KALRN: variants seen among roughly 807,000 people sequenced by gnomAD.
The protein encoded by KALRN is kalirin RhoGEF kinase.
A neutral mutation model predicts 353.7 loss-of-function variants in KALRN; 70 were observed. The ratio of observed to expected loss-of-function variants is 0.20; its 90% CI spans 0.16 to 0.24. The LOEUF (loss-of-function observed/expected upper bound fraction) is 0.24, where lower values mean the gene tolerates loss of function less well. Ranked by LOEUF, KALRN falls within the 10% of genes least tolerant of loss-of-function variation. KALRN has a pLI of 1.00. For missense variants in KALRN, 2,791 were observed against 3,756.7 expected (o/e 0.74, Z 6.72); for synonymous variants, 1,391 against 1,434.8 (o/e 0.97, Z 0.69).
chr3:124,164,228 T>G (rs1458663342), intron 1 of KALRN: 1 of 153,558 alleles, frequency 6.5e-6, no homozygotes, highest in Admixed American at 6.5e-5. Context: ...GTATAAATCT[T>G]GGATCCAGGG....
chr3:124,644,918 G>A (rs2082513175), intron 37 of KALRN, among the ~76,000 whole-genome samples: 1 of 152,172 alleles, frequency 6.6e-6, no homozygotes, highest in Non-Finnish European at 1.5e-5. Flanking sequence ...TTCCACAATG[G>A]TTGAACTAAT....
At chr3:124,566,977 C>A (rs986760227) in intron 34 of KALRN, among the ~76,000 whole-genome samples, 1 of 152,146 alleles carries the variant, frequency 6.6e-6, no homozygotes. Flanking sequence ...GGGCTAAGCA[C>A]CTTGTGAGTG....
intron 51 of KALRN, among the ~76,000 whole-genome samples, chr3:124,688,277 C>T (rs184073034): frequency 1.4e-5 from 2 of 144,636 alleles, no homozygotes; most frequent in East Asian, 4.2e-4. Flanking sequence ...CATGCCACTG[C>T]ACTCCAGCAT....
chr3:124,561,419 A>G (rs954311570), intron 33 of KALRN, among the ~76,000 whole-genome samples: 2 of 152,230 alleles, frequency 1.3e-5, no homozygotes, highest in African/African-American at 4.8e-5. Flanking sequence ...TATTGCCAAC[A>G]TCAGTCTGAT....
chr3:124,685,781 G>A (rs1188440699), intron 51 of KALRN, among the ~76,000 whole-genome samples: 1 of 152,164 alleles, frequency 6.6e-6, no homozygotes, highest in Non-Finnish European at 1.5e-5. Context: ...TAGTCACTCA[G>A]CACGCCCTGT....
chr3:124,211,750 C>T (rs572546540), intron 1 of KALRN, among the ~76,000 whole-genome samples: 127 of 152,256 alleles, frequency 8.3e-4, no homozygotes, highest in Non-Finnish European at 2.9e-5. Flanking sequence ...CAGTGCTTCT[C>T]GGGGCTCTCT....
At chr3:124,601,518 C>T (rs898853127) in intron 34 of KALRN, among the ~76,000 whole-genome samples, 2 of 152,194 alleles carry the variant, frequency 1.3e-5, no homozygotes, top group Non-Finnish European at 2.9e-5. Context: ...GGCTGATTCA[C>T]GATGACAATT....
intron 1 of KALRN, among the ~76,000 whole-genome samples, chr3:124,062,886 A>G (rs1456013640): frequency 2.0e-5 from 3 of 152,210 alleles, no homozygotes; most frequent in Admixed American, 6.5e-5. Flanking sequence ...GCCCTGATGT[A>G]GGATTGGAAA....
intron 17 of KALRN, among the ~76,000 whole-genome samples, chr3:124,436,540 T>C (rs112515258): frequency 1.3e-5 from 2 of 150,716 alleles, no homozygotes; most frequent in Non-Finnish European, 1.5e-5. Context: ...GATCTTCTCA[T>C]GTGATGCTAG....
At chr3:124,081,610 A>C (rs2060547486) in intron 1 of KALRN, among the ~76,000 whole-genome samples, 2 of 152,140 alleles carry the variant, frequency 1.3e-5, no homozygotes, top group Non-Finnish European at 1.5e-5. Context: ...GTTTCTACTA[A>C]AAATACAAAA....
In KALRN at chr3:124,661,938, T is replaced by A; in HGVS notation, c.6345+10T>A. The A allele has an allele frequency of 2.5e-6, 4 of 1,608,686 alleles. No homozygotes were observed. The highest frequency in any genetic ancestry group is 3.4e-6 in the Non-Finnish European group (4 of 1,175,098). ...TCTGCAGGGCTTTGAGGTGAGTCTT[T>A]AAGAATGCGTCTAAGCCCACTCTCT... On this transcript the variant is annotated intron_variant, in intron 45 of 59. Coordinates refer to ENST00000682506, the MANE Select transcript of KALRN (RefSeq NM_001388419.1).
At chr3:124,150,166 A>G (rs1178711658) in intron 1 of KALRN, among the ~76,000 whole-genome samples, 1 of 152,214 alleles carries the variant, frequency 6.6e-6, no homozygotes, top group Admixed American at 6.5e-5. Flanking sequence ...TTGTATTTTT[A>G]TAAACCTGTA....
rs1444465368 is a variant in KALRN at position 124,701,396 on chromosome 3, T to C, written c.7997-642T>C. On this transcript the variant is annotated intron_variant, in intron 56 of 59. Coordinates refer to ENST00000682506, the MANE Select transcript of KALRN (RefSeq NM_001388419.1). ...TTTTTCTTTCTTTCTTTCTTTTTTT[T>C]TTTTTTTTGGAGACAGGGTCTCGCT... Among the ~76,000 whole-genome samples, 4 of 147,414 alleles carry C rather than the reference T, an allele frequency of 2.7e-5. No individual in the cohort carries two copies. In the East Asian group the frequency reaches 7.8e-4, roughly 29 times the overall value.
At chr3:124,186,925 A>T (rs1279409644) in intron 1 of KALRN, among the ~76,000 whole-genome samples, 1 of 152,096 alleles carries the variant, frequency 6.6e-6, no homozygotes, top group African/African-American at 2.4e-5. Flanking sequence ...GGGGTAGAAG[A>T]TGGGAATGAT....
At chr3:124,353,758 GA>G (rs35205735) in intron 10 of KALRN, among the ~76,000 whole-genome samples, 65 of 149,248 alleles carry the variant, frequency 4.4e-4, no homozygotes, top group African/African-American at 1.3e-3. Context: ...TTAGGCAAAT[GA>G]AAAAAAAAAT....
At chr3:124,231,348 C>T (rs2079128472) in intron 2 of KALRN, among the ~76,000 whole-genome samples, 2 of 152,240 alleles carry the variant, frequency 1.3e-5, no homozygotes, top group South Asian at 4.1e-4. Context: ...CCAGCCTTCT[C>T]ATGTGGGGTC....
chr3:124,385,789 A>G (rs1436390234), intron 11 of KALRN, among the ~76,000 whole-genome samples: 1 of 152,236 alleles, frequency 6.6e-6, no homozygotes. Flanking sequence ...ATTTCTGATT[A>G]ACATGGGACA....
intron 34 of KALRN, among the ~76,000 whole-genome samples, chr3:124,579,978 G>C (rs1362122877): frequency 2.0e-5 from 3 of 152,192 alleles, no homozygotes; most frequent in Admixed American, 1.3e-4. Context: ...AGGGAGGAAG[G>C]CTGGTTCCTC....
intron 27 of KALRN, 56 bp downstream of exon 27, chr3:124,477,390 GC>G: frequency 1.5e-6 from 2 of 1,296,816 alleles, no homozygotes. Flanking sequence ...ATGCTTCTCT[GC>G]TTTGGCATAA....
Sources: allele counts gnomAD v4.1 joint callset (sites outside exome capture counted in the v4.1 genomes callset), GRCh38; gene constraint gnomAD v4.1.1; transcripts MANE v1.5; gene names NCBI Gene and HGNC (gene_info 2026-07-23, HGNC 2026-07-21).